ZFAND3: variants seen among roughly 807,000 people sequenced by gnomAD.
ZFAND3 encodes zinc finger AN1-type containing 3.
ZFAND3 carries 10 observed loss-of-function variants against 29.6 expected under a neutral mutation model. That is an observed-to-expected ratio of 0.34 (90% CI 0.21 to 0.57). The LOEUF is 0.57. ZFAND3 is among the 20% of genes least tolerant of loss of function. ZFAND3 has a pLI of 0.86. For missense variants in ZFAND3, 230 were observed against 304.5 expected (o/e 0.76, Z 1.82); for synonymous variants, 128 against 112.6 (o/e 1.14, Z -0.87).
intron 2 of ZFAND3, among the ~76,000 whole-genome samples, chr6:37,977,116 T>C (rs934612011): frequency 1.8e-4 from 28 of 152,282 alleles, no homozygotes; most frequent in African/African-American, 6.5e-4. Flanking sequence ...CTGTAGGCAA[T>C]TGTAACACAA....
chr6:38,149,410 C>CAAAA (rs35426126), intron 5 of ZFAND3, among the ~76,000 whole-genome samples: 3 of 88,330 alleles, frequency 3.4e-5, no homozygotes, highest in African/African-American at 8.2e-5. Context: ...GACCCTGTCT[C>CAAAA]AAAAAAAAAA....
Position 38,061,665 on chromosome 6 carries a change from A to G in ZFAND3, c.185A>G (p.Glu62Gly). The G allele has an allele frequency of 6.2e-7, 1 of 1,614,198 alleles. No homozygotes were observed. Among genetic ancestry groups the G allele is most frequent in the South Asian group, 1.1e-5 (1 of 91,084 alleles). The change falls in exon 3 of 6, where the codon GAA becomes GGA. Residue 62 changes from glutamate to glycine, a missense_variant. By Grantham distance (98) the Glu-to-Gly change is moderately conservative. This residue lies in a region of ZFAND3 where 180 missense variants were observed against 202.5 expected (regional missense o/e 0.89). Coordinates refer to ENST00000287218, the MANE Select transcript of ZFAND3 (RefSeq NM_021943.3). The stretch of plus-strand genomic sequence containing the variant: ...AACAGCCAATCAGATTTGTTTTCCG[A>G]AGAGACCACCAGTGACAACAACAAT... The part of the protein sequence containing the change: ...TSNSQSDLFS[E>G]ETTSDNNNTS...
intron 2 of ZFAND3, among the ~76,000 whole-genome samples, chr6:37,976,725 G>A (rs1762485253): frequency 6.6e-6 from 1 of 152,204 alleles, no homozygotes; most frequent in African/African-American, 2.4e-5. Flanking sequence ...GGAGAAGTGA[G>A]GCATGTCTTA....
chr6:37,889,368 G>A (rs981560289), intron 1 of ZFAND3, among the ~76,000 whole-genome samples: 4 of 152,152 alleles, frequency 2.6e-5, no homozygotes, highest in Non-Finnish European at 5.9e-5. Flanking sequence ...CATCAATTGT[G>A]TGCCAAAAGG....
Position 37,898,964 on chromosome 6 carries a change from C to T in ZFAND3, c.72-30995C>T, listed in dbSNP as rs57276677. Among the ~76,000 whole-genome samples, 2,490 of 152,260 alleles carry T rather than the reference C, an allele frequency of 0.016. 252 individuals carry two copies. In the East Asian group the frequency reaches 0.28, roughly 17 times the overall value. ...AGGCTGGAGTTTAGTGGCGCGATCT[C>T]GGCTCGCTGCAAGCTCTGCCTCCCG... On this transcript the variant is annotated intron_variant, in intron 1 of 5. Transcript: ENST00000287218.
chr6:37,977,173 A>C (rs1008124765), intron 2 of ZFAND3, among the ~76,000 whole-genome samples: 4 of 152,218 alleles, frequency 2.6e-5, no homozygotes, highest in Non-Finnish European at 4.4e-5. Context: ...GGTATAGTAG[A>C]AATATAATCT....
At chr6:38,092,770 A>G (rs1281003875) in intron 4 of ZFAND3, among the ~76,000 whole-genome samples, 1 of 152,184 alleles carries the variant, frequency 6.6e-6, no homozygotes, top group African/African-American at 2.4e-5. Context: ...GACCTTTGAG[A>G]TAGGAGAAAT....
At chr6:37,852,010 G>A (rs973435209) in intron 1 of ZFAND3, among the ~76,000 whole-genome samples, 7 of 152,200 alleles carry the variant, frequency 4.6e-5, no homozygotes, top group African/African-American at 1.7e-4. Context: ...CTAAAGAATT[G>A]TTGTTAGCCA....
Position 37,925,635 on chromosome 6 carries a change from C to T in ZFAND3, c.72-4324C>T, listed in dbSNP as rs112397853. 1.5e-3 allele frequency among the ~76,000 whole-genome samples: 220 copies of T among 146,690 alleles called. 1 individual carries two copies. Among genetic ancestry groups the T allele is most frequent in the African/African-American group, 4.6e-3 (180 of 39,404 alleles). ...CGGAGAATCGCTTGAACCCAGGAGG[C>T]GGAGGTTGCAGTGAGCTGAGATCAT... On this transcript the variant is annotated intron_variant, in intron 1 of 5. Coordinates refer to ENST00000287218, the MANE Select transcript of ZFAND3 (RefSeq NM_021943.3).
intron 1 of ZFAND3, among the ~76,000 whole-genome samples, chr6:37,846,713 T>C (rs9470719): frequency 6.6e-6 from 1 of 151,524 alleles, no homozygotes; most frequent in Admixed American, 6.6e-5. Context: ...GATTTTTTTT[T>C]TTTTGTTTTT....
At chr6:38,148,735 C>A (rs1229569686) in intron 5 of ZFAND3, among the ~76,000 whole-genome samples, 2 of 152,146 alleles carry the variant, frequency 1.3e-5, no homozygotes. Context: ...TTCCCATGCA[C>A]CTCTACCCGC....
chr6:37,882,662 A>T (rs1374258281), intron 1 of ZFAND3, among the ~76,000 whole-genome samples: 2 of 83,194 alleles, frequency 2.4e-5, no homozygotes, highest in African/African-American at 4.9e-5. Flanking sequence ...CCACCCTTCC[A>T]CCCTTTTGGA....
At chr6:37,930,045 CTTT>C (rs370975464) in intron 2 of ZFAND3, 46 bp downstream of exon 2, 169 of 1,161,740 alleles carry the variant, frequency 1.5e-4, no homozygotes, top group South Asian at 3.2e-4. Context: ...ATTTTTCTTT[CTTT>C]TTTTTTTTTT....
At chr6:38,079,992 C>T (rs1250265576) in intron 3 of ZFAND3, among the ~76,000 whole-genome samples, 1 of 151,152 alleles carries the variant, frequency 6.6e-6, no homozygotes, top group Non-Finnish European at 1.5e-5. Context: ...CATTTAAGTT[C>T]TATACACATC....
chr6:38,043,833 C>T (rs1326651726), intron 2 of ZFAND3, among the ~76,000 whole-genome samples: 2 of 144,254 alleles, frequency 1.4e-5, no homozygotes, highest in Admixed American at 6.9e-5. Context: ...TATTTAGAGA[C>T]GAAGTCTCAC....
intron 2 of ZFAND3, among the ~76,000 whole-genome samples, chr6:37,955,996 G>A (rs1025698872): frequency 6.6e-6 from 1 of 152,110 alleles, no homozygotes; most frequent in African/African-American, 2.4e-5. Flanking sequence ...TCGGGGTGGA[G>A]GGTTGTTGAT....
intron 4 of ZFAND3, among the ~76,000 whole-genome samples, chr6:38,092,810 T>C (rs1764900582): frequency 6.6e-6 from 1 of 152,248 alleles, no homozygotes; most frequent in African/African-American, 2.4e-5. Flanking sequence ...GAATACTTTT[T>C]GGAAAGGGCT....
At chr6:37,930,045 C>A in intron 2 of ZFAND3, 46 bp downstream of exon 2, 22 of 1,163,254 alleles carry the variant, frequency 1.9e-5, no homozygotes, top group East Asian at 2.9e-5. Context: ...ATTTTTCTTT[C>A]TTTTTTTTTT....
chr6:37,920,929 A>G (rs1020738311), intron 1 of ZFAND3, among the ~76,000 whole-genome samples: 5 of 152,134 alleles, frequency 3.3e-5, no homozygotes, highest in Non-Finnish European at 5.9e-5. Flanking sequence ...TGGCTGCTGT[A>G]GGAAGTTAGT....
Sources: gnomAD v4.1 joint callset for allele counts (sites outside exome capture counted in the v4.1 genomes callset) on GRCh38, gnomAD v4.1.1 for gene constraint, gnomAD v4.1.1 regional missense constraint, MANE v1.5 for transcripts, NCBI Gene and HGNC (gene_info 2026-07-23, HGNC 2026-07-21) for gene names.